PIP5K1C: variants seen among roughly 807,000 people sequenced by gnomAD.
The protein encoded by PIP5K1C is phosphatidylinositol 4-phosphate 5-kinase type-1 gamma.
A neutral mutation model predicts 80.1 loss-of-function variants in PIP5K1C; 45 were observed. The ratio of observed to expected loss-of-function variants is 0.56; its 90% CI spans 0.44 to 0.72. PIP5K1C has a LOEUF of 0.72. PIP5K1C is among the 30% of genes least tolerant of loss of function. The probability of loss-of-function intolerance (pLI) is 0.00; values close to 1 mark genes in which losing one functional copy is unlikely to be tolerated. For synonymous variants in PIP5K1C, 498 were observed against 420.1 expected (o/e 1.19, Z -2.27); for missense variants, 753 against 954.6 (o/e 0.79, Z 2.78).
intron 1 of PIP5K1C, among the ~76,000 whole-genome samples, chr19:3,691,431 A>T (rs1256443312): frequency 6.6e-6 from 1 of 152,058 alleles, no homozygotes; most frequent in Non-Finnish European, 1.5e-5. Flanking sequence ...AGAGCAACCA[A>T]CCGCGAGCCC....
chr19:3,668,981 G>C (rs1001520591), intron 1 of PIP5K1C, among the ~76,000 whole-genome samples: 2 of 152,162 alleles, frequency 1.3e-5, no homozygotes, highest in Non-Finnish European at 2.9e-5. Flanking sequence ...GTTGGATTCC[G>C]ATGCTGGCAC....
rs972909565 is a variant in PIP5K1C, at chr19:3,648,815, G to A, written c.1128-107C>T. On this transcript the variant is annotated intron_variant, in intron 8 of 17. Transcript: ENST00000335312. This position sits in a 1 kb window ranked among gnomAD's most constrained non-coding sequence, Gnocchi z 4.3. ...GGGAGTCCATCTGCTCCTGTGGGTG[G>A]CAACTTGGCCAAGCTCTCGGAGTGG... is the stretch of plus-strand genomic sequence containing the variant. The A allele has an allele frequency of 8.7e-6, 8 of 920,100 alleles. No individual in the cohort carries two copies. In the African/African-American group the frequency reaches 1.1e-4, roughly 13 times the overall value. 57.0% of individuals were successfully genotyped at this position (920,100 alleles called of 1,614,324 possible).
At chr19:3,675,343 T>C (rs1301845723) in intron 1 of PIP5K1C, among the ~76,000 whole-genome samples, 1 of 152,050 alleles carries the variant, frequency 6.6e-6, no homozygotes, top group African/African-American at 2.4e-5. Context: ...TTCTCCAAAC[T>C]CGGTCATCCC....
At position 3,633,035 on chromosome 19, in the gene PIP5K1C, G is replaced by A. The variant is rs984008986; in HGVS notation, c.*132C>T. The A allele has an allele frequency of 7.7e-6, 5 of 648,070 alleles. No individual in the cohort carries two copies. In the South Asian group the frequency reaches 8.5e-5, roughly 11 times the overall value. The allele number at this position is 648,070 out of a possible 1,614,324, so 40.1% of individuals were successfully genotyped here. On this transcript the variant is annotated 3_prime_UTR_variant, in exon 18 of 18. Coordinates refer to ENST00000335312, the MANE Select transcript of PIP5K1C (RefSeq NM_012398.3). ...GCCCGGCCGTCGGCATCCGTGCAGGGGGAGGACGAGGTCCGGTGGGGCGGC... is the reference window on the plus strand; with the variant it reads ...GCCCGGCCGTCGGCATCCGTGCAGGAGGAGGACGAGGTCCGGTGGGGCGGC...
At chr19:3,667,292 C>T (rs1316314849) in intron 2 of PIP5K1C, 30 bp downstream of exon 2, 2 of 1,607,502 alleles carry the variant, frequency 1.2e-6, no homozygotes, top group African/African-American at 1.3e-5. Flanking sequence ...GGTGGGGACC[C>T]CAGGCCCTTC....
chr19:3,662,411 C>T (rs1240298997), intron 3 of PIP5K1C, among the ~76,000 whole-genome samples: 2 of 152,214 alleles, frequency 1.3e-5, no homozygotes, highest in East Asian at 1.9e-4. Context: ...CATCTGCAGA[C>T]GCAGGTTCCC....
At position 3,692,301 on chromosome 19, in the gene PIP5K1C, C is replaced by G. The variant is rs1330127982; in HGVS notation, c.94+7996G>C. Among the ~76,000 whole-genome samples the G allele has an allele frequency of 6.6e-6, 1 of 152,180 alleles. No individual in the cohort carries two copies. The highest frequency in any genetic ancestry group is 1.5e-5 in the Non-Finnish European group (1 of 68,018). The stretch of plus-strand genomic sequence containing the variant: ...GCCACCACCAGGGTCCCGACGGCCC[C>G]ACCCAGTCCCACTGCCGGCTCCCAC... On this transcript the variant is annotated intron_variant, in intron 1 of 17. Transcript: ENST00000335312. The surrounding 1 kb of genome is among the most constrained non-coding windows in gnomAD (Gnocchi z 5.2).
chr19:3,657,606 G>A lies in PIP5K1C; in HGVS notation c.469-1049C>T, dbSNP rs1568331248. Among the ~76,000 whole-genome samples, 4 of 152,184 alleles carry A rather than the reference G, an allele frequency of 2.6e-5. No individual in the cohort carries two copies. In the South Asian group the frequency reaches 8.3e-4, roughly 32 times the overall value. Reference sequence around the variant, plus strand: ...TGATAAACAGGTGGGGGGTGTCCACGAGAGTCAGGAGTGGTGGCGAGCAGA... The same window carrying A: ...TGATAAACAGGTGGGGGGTGTCCACAAGAGTCAGGAGTGGTGGCGAGCAGA... On this transcript the variant is annotated intron_variant, in intron 5 of 17. Transcript: ENST00000335312.
intron 15 of PIP5K1C, 140 bp downstream of exon 15, chr19:3,641,564 AT>A: frequency 1.4e-6 from 1 of 704,822 alleles, no homozygotes; most frequent in South Asian, 1.5e-5. Context: ...CAATCAAAAA[AT>A]AAACTTATGG....
At position 3,650,529 on chromosome 19, in the gene PIP5K1C, G is replaced by A. The variant is rs113146392; in HGVS notation, c.1127+1297C>T. Among the ~76,000 whole-genome samples the A allele has an allele frequency of 3.3e-5, 5 of 152,328 alleles. No homozygotes were observed. The South Asian group carries it at 6.2e-4, about 19-fold the overall frequency. ...CCCGGAGTGGGTGGAGGCCCGGGAC[G>A]CTGCTCAGCACCCTGCAGTGCCCAG... On this transcript the variant is annotated intron_variant, in intron 8 of 17. Transcript: ENST00000335312.
chr19:3,688,451 C>T lies in PIP5K1C; in HGVS notation c.94+11846G>A, dbSNP rs1484291922. Among the ~76,000 whole-genome samples the T allele has an allele frequency of 6.6e-6, 1 of 152,116 alleles. No homozygotes were observed. The highest frequency in any genetic ancestry group is 1.5e-5 in the Non-Finnish European group (1 of 67,992). On this transcript the variant is annotated intron_variant, in intron 1 of 17. Coordinates refer to ENST00000335312, the MANE Select transcript of PIP5K1C (RefSeq NM_012398.3). This position sits in a 1 kb window ranked among gnomAD's most constrained non-coding sequence, Gnocchi z 5.3. ...GAAGACCGGAAGGCTATTTCCAGGG[C>T]AGCACCCCCAGGACTCTGGGGCACA...
In PIP5K1C at chr19:3,630,240, G is replaced by T. The variant is rs540459328; in HGVS notation, c.*2927C>A. On this transcript the variant is annotated 3_prime_UTR_variant, in exon 18 of 18. Coordinates refer to ENST00000335312, the MANE Select transcript of PIP5K1C (RefSeq NM_012398.3). ...AAAAAGACGGGGTGTGGCGGGGGTA[G>T]GTGGGCGAGGAACCTGGGATGCAAA... 6.6e-6 allele frequency: 1 copy of T among 152,416 alleles called. No homozygotes were observed. The highest frequency in any genetic ancestry group is 1.9e-4 in the East Asian group (1 of 5,180). The allele number at this position is 152,416 out of a possible 1,614,324, so 9.4% of individuals were successfully genotyped here.
At chr19:3,698,533 G>A (rs905215795) in intron 1 of PIP5K1C, among the ~76,000 whole-genome samples, 3 of 152,212 alleles carry the variant, frequency 2.0e-5, no homozygotes, top group Admixed American at 6.5e-5. Flanking sequence ...CACCAGGGCC[G>A]TCCTGCCCCC....
In PIP5K1C at chr19:3,692,386, T is replaced by A. The variant is rs1435264395; in HGVS notation, c.94+7911A>T. On this transcript the variant is annotated intron_variant, in intron 1 of 17. Transcript: ENST00000335312. This position sits in a 1 kb window ranked among gnomAD's most constrained non-coding sequence, Gnocchi z 5.2. ...GGCCTCCCTCGCAGCTCGGCCATGC[T>A]GGGCCCCGGCGGCCCCCATGCTGCC... Among the ~76,000 whole-genome samples the A allele has an allele frequency of 6.6e-6, 1 of 152,162 alleles. No individual in the cohort carries two copies. Among genetic ancestry groups the A allele is most frequent in the Non-Finnish European group, 1.5e-5 (1 of 68,024 alleles).
intron 1 of PIP5K1C, among the ~76,000 whole-genome samples, chr19:3,671,204 G>A (rs984813837): frequency 1.3e-5 from 2 of 152,200 alleles, no homozygotes; most frequent in Non-Finnish European, 2.9e-5. Flanking sequence ...CACCCCTCTG[G>A]GGCCCCCCCA....
chr19:3,666,809 A>T (rs1331450340), intron 2 of PIP5K1C, among the ~76,000 whole-genome samples: 1 of 151,888 alleles, frequency 6.6e-6, no homozygotes, highest in East Asian at 1.9e-4. Flanking sequence ...GCACACACGC[A>T]CGCAGGCAAA....
At chr19:3,691,845 G>A (rs779081184) in intron 1 of PIP5K1C, among the ~76,000 whole-genome samples, 1 of 152,206 alleles carries the variant, frequency 6.6e-6, no homozygotes, top group Non-Finnish European at 1.5e-5. Flanking sequence ...CCCAACACAA[G>A]CGAGAAATGA....
chr19:3,647,995 G>A (rs1010442522), intron 9 of PIP5K1C, among the ~76,000 whole-genome samples: 7 of 151,148 alleles, frequency 4.6e-5, no homozygotes, highest in Non-Finnish European at 8.9e-5. Context: ...GCCCCAAAGT[G>A]AGGCCTCAAA....
At chr19:3,671,938 G>A (rs1055048319) in intron 1 of PIP5K1C, among the ~76,000 whole-genome samples, 17 of 152,354 alleles carry the variant, frequency 1.1e-4, no homozygotes, top group Admixed American at 7.2e-4. Context: ...AAAAATAGTC[G>A]GGGGAGGAAA....
Sources: allele counts gnomAD v4.1 joint callset (sites outside exome capture counted in the v4.1 genomes callset), GRCh38; gene constraint gnomAD v4.1.1; non-coding constraint Gnocchi (gnomAD v3.1); transcripts MANE v1.5; gene names NCBI Gene and HGNC (gene_info 2026-07-23, HGNC 2026-07-21).